TUFM: variants seen among roughly 807,000 people sequenced by gnomAD.
TUFM encodes the protein elongation factor Tu, mitochondrial.
A neutral mutation model predicts 45.0 loss-of-function variants in TUFM; 23 were observed. The observed-to-expected ratio is 0.51, with a 90% CI of 0.37 to 0.72. The LOEUF (loss-of-function observed/expected upper bound fraction) is 0.72, where lower values mean the gene tolerates loss of function less well. TUFM is among the 30% of genes least tolerant of loss of function. The pLI, the probability that TUFM is intolerant of heterozygous loss-of-function variation, is 0.00. For missense variants in TUFM, 490 were observed against 610.7 expected (o/e 0.80, Z 2.08); for synonymous variants, 243 against 252.9 (o/e 0.96, Z 0.37).
In TUFM at chr16:28,845,988, G is replaced by A; in HGVS notation, c.171C>T (p.Asp57=). ...AVEAKKTYVR[D]KPHVNVGTIG... ...TGGTACCCACATTCACATGTGGCTT[G>A]TCGCGCACGTAAGTCTTCTTGGCCT... is the stretch of plus-strand genomic sequence containing the variant. The change falls in exon 2 of 10, where the codon GAC becomes GAT. Residue 57 remains aspartate, a synonymous_variant. Coordinates refer to ENST00000313511, the MANE Select transcript of TUFM (RefSeq NM_003321.5). 6.2e-7 allele frequency: 1 copy of A among 1,613,934 alleles called. No individual in the cohort carries two copies. Among genetic ancestry groups the A allele is most frequent in the Non-Finnish European group, 8.5e-7 (1 of 1,180,040 alleles).
At chr16:28,846,175 C>G (rs758338592) in intron 1 of TUFM, 43 bp downstream of exon 1, 10 of 1,596,256 alleles carry the variant, frequency 6.3e-6, no homozygotes, top group South Asian at 1.1e-5. Flanking sequence ...TACCACTCCC[C>G]CAAAGTGTTC....
In TUFM at chr16:28,844,180, G is replaced by A. The variant is rs1291649317; in HGVS notation, c.922+50C>T. ...GGGAAGGCACAAGGGATCTGCCGGG[G>A]TAAGGCCACCCTTCAGCCAGGCCCT... On this transcript the variant is annotated intron_variant, in intron 7 of 9. Coordinates refer to ENST00000313511, the MANE Select transcript of TUFM (RefSeq NM_003321.5). This position sits in a 1 kb window ranked among gnomAD's most constrained non-coding sequence, Gnocchi z 5.8. 4 of 1,613,318 alleles carry A rather than the reference G, an allele frequency of 2.5e-6. No individual in the cohort carries two copies. The highest frequency in any genetic ancestry group is 1.3e-5 in the African/African-American group (1 of 74,902).
At position 28,842,944 on chromosome 16, in the gene TUFM, CG is replaced by C; in HGVS notation, c.*30del. 1 of 1,613,310 alleles carries C rather than the reference CG, an allele frequency of 6.2e-7. No individual in the cohort carries two copies. ...AGCCCTGGCTAGGGCAGGCCTTAAA[CG>C]CAAGGGAAGCTGAGCAGAGATCTGC... On this transcript the variant is annotated 3_prime_UTR_variant, in exon 10 of 10. Coordinates refer to ENST00000313511, the MANE Select transcript of TUFM (RefSeq NM_003321.5).
Position 28,845,326 on chromosome 16 carries a change from T to C in TUFM, c.402A>G (p.Ala134=). ...CAGCAACCCTCACCTTAACATAATC[T>C]GCATGACCCGGGCAGTCTGTGTGGG... ...HYAHTDCPGH[A]DYVKNMITGT... Residue 134 remains alanine, a synonymous_variant, in exon 3 of 10, where the codon GCA becomes GCG. Coordinates refer to ENST00000313511, the MANE Select transcript of TUFM (RefSeq NM_003321.5). 1.2e-6 allele frequency: 2 copies of C among 1,614,128 alleles called. No homozygotes were observed. The highest frequency in any genetic ancestry group is 1.7e-6 in the Non-Finnish European group (2 of 1,180,038).
chr16:28,844,857 C>A lies in TUFM; in HGVS notation c.525G>T (p.Gly175=), dbSNP rs1170703038. 2.5e-6 allele frequency: 4 copies of A among 1,614,050 alleles called. No homozygotes were observed. Among genetic ancestry groups the A allele is most frequent in the Non-Finnish European group, 3.4e-6 (4 of 1,180,044 alleles). The change falls in exon 5 of 10, where the codon GGG becomes GGT. Residue 175 remains glycine (G), a synonymous_variant. Coordinates refer to ENST00000313511, the MANE Select transcript of TUFM (RefSeq NM_003321.5). This position sits in a 1 kb window ranked among gnomAD's most constrained non-coding sequence, Gnocchi z 5.8. ...TCACATACACCACCACATGCTCCAC[C>A]CCAATCTGTAGATGCCAGAGAGACA... ...REHLLLARQI[G]VEHVVVYVNK...
rs767938338 is a variant in TUFM at position 28,844,775 on chromosome 16, G to A, written c.607C>T (p.Arg203Trp). ...TAGCCAAACTCGGTGAGCAGCTCCC[G>A]GATCTCCAGTTCCACCAGTTCCACC... ...EMVELVELEI[R>W]ELLTEFGYKG... is the part of the protein sequence containing the mutation. The change falls in exon 5 of 10, where the codon CGG becomes TGG. Residue 203 changes from arginine (R) to tryptophan (W), a missense_variant. Physicochemically the swap from Arg to Trp is moderately radical, Grantham distance 101. Coordinates refer to ENST00000313511, the MANE Select transcript of TUFM (RefSeq NM_003321.5). This position sits in a 1 kb window ranked among gnomAD's most constrained non-coding sequence, Gnocchi z 5.8. 4 of 1,614,024 alleles carry A rather than the reference G, an allele frequency of 2.5e-6. No individual in the cohort carries two copies. The highest frequency in any genetic ancestry group is 1.3e-5 in the African/African-American group (1 of 74,898).
chr16:28,844,391 A>G lies in TUFM; in HGVS notation c.817+28T>C. The G allele has an allele frequency of 6.2e-7, 1 of 1,614,166 alleles. No individual in the cohort carries two copies. The highest frequency in any genetic ancestry group is 8.5e-7 in the Non-Finnish European group (1 of 1,180,014). ...CCCGAGCTAGGCTTCTGCTAGAGAG[A>G]GTGCGTGGGAACAGACAGAGTCCTC... On this transcript the variant is annotated intron_variant, in intron 6 of 9. Transcript: ENST00000313511. The surrounding 1 kb of genome is among the most constrained non-coding windows in gnomAD (Gnocchi z 5.8).
chr16:28,843,884 C>T, intron 8 of TUFM, 29 bp from the exon 9 acceptor site: 2 of 1,614,106 alleles, frequency 1.2e-6, no homozygotes, highest in Non-Finnish European at 1.7e-6. Context: ...TGACGGTGAG[C>T]TGGGCTTGGC....
rs568012742 is a variant in TUFM, at chr16:28,843,941, A to C, written c.1074+9T>G. On this transcript the variant is annotated intron_variant, in intron 8 of 9. Transcript: ENST00000313511. ...CTCAACCCTGCCCACCGTCACCTGG[A>C]GCCCTCACCTGGGCCTCCACCTTCT... The C allele has an allele frequency of 3.2e-5, 51 of 1,614,066 alleles. 1 individual carries two copies. In the Admixed American group the frequency reaches 4.2e-4, roughly 13 times the overall value.
At position 28,845,450 on chromosome 16, in the gene TUFM, T is replaced by C. The variant is rs779616852; in HGVS notation, c.278A>G (p.Lys93Arg). ...GGCATTGTCAATCTCCTCGTACTTC[T>C]TGAACTTAGCCCCACCTCCCTCAGC... ...ILAEGGGAKF[K>R]KYEEIDNAPE... is the part of the protein sequence containing the mutation. The change falls in exon 3 of 10, where the codon AAG becomes AGG. Residue 93 changes from lysine to arginine, a missense_variant. Physicochemically the swap from Lys to Arg is conservative, Grantham distance 26. Transcript: ENST00000313511. 4 of 1,614,168 alleles carry C rather than the reference T, an allele frequency of 2.5e-6. No homozygotes were observed. The highest frequency in any genetic ancestry group is 4.5e-5 in the East Asian group (2 of 44,882).
Position 28,844,691 on chromosome 16 carries a change from C to A in TUFM, c.684+7G>T, listed in dbSNP as rs761510515. 1.2e-6 allele frequency: 2 copies of A among 1,614,216 alleles called. No individual in the cohort carries two copies. The highest frequency in any genetic ancestry group is 1.1e-5 in the South Asian group (1 of 91,086). ...GCAGCAGCTGCCCTGCCTGACCCCGCGTTCACCTCAAGGGCACAGAGAGCA... is the reference window on the plus strand; with the variant it reads ...GCAGCAGCTGCCCTGCCTGACCCCGAGTTCACCTCAAGGGCACAGAGAGCA... On this transcript the variant is annotated splice_region_variant and intron_variant, in intron 5 of 9. Coordinates refer to ENST00000313511, the MANE Select transcript of TUFM (RefSeq NM_003321.5). This position sits in a 1 kb window ranked among gnomAD's most constrained non-coding sequence, Gnocchi z 5.8.
At chr16:28,845,163 C>T (rs1961907067) in intron 3 of TUFM, 108 bp from the exon 4 acceptor site, 2 of 1,552,922 alleles carry the variant, frequency 1.3e-6, no homozygotes, top group Non-Finnish European at 1.8e-6. Flanking sequence ...TCTCTACCAT[C>T]TCCTCACCAC....
At chr16:28,845,262 C>T in intron 3 of TUFM, 52 bp downstream of exon 3, 4 of 1,613,156 alleles carry the variant, frequency 2.5e-6, no homozygotes, top group Non-Finnish European at 3.4e-6. Context: ...TAACATTTAT[C>T]CTGACAAGAG....
rs2044944047 is a variant in TUFM, at chr16:28,844,212, CAG to C, written c.922+16_922+17del. The C allele has an allele frequency of 1.9e-6, 3 of 1,613,786 alleles. No individual in the cohort carries two copies. In the South Asian group the frequency reaches 3.3e-5, roughly 18 times the overall value. ...CACCCTTCAGCCAGGCCCTGCTCTC[CAG>C]ACTGGCTTCCCAAACCTGTCACCAC... On this transcript the variant is annotated intron_variant, in intron 7 of 9. Transcript: ENST00000313511. The surrounding 1 kb of genome is among the most constrained non-coding windows in gnomAD (Gnocchi z 5.8).
At position 28,845,423 on chromosome 16, in the gene TUFM, G is replaced by C; in HGVS notation, c.305C>G (p.Pro102Arg). The change falls in exon 3 of 10, where the codon CCG becomes CGG. Residue 102 changes from proline to arginine, a missense_variant. Transcript: ENST00000313511. ...GGTGATACCCCGAGCTCGCTCCTCCGGGGCATTGTCAATCTCCTCGTACTT... is the reference window on the plus strand; with the variant it reads ...GGTGATACCCCGAGCTCGCTCCTCCCGGGCATTGTCAATCTCCTCGTACTT... ...FKKYEEIDNA[P>R]EERARGITIN... 6.2e-7 allele frequency: 1 copy of C among 1,613,996 alleles called. No individual in the cohort carries two copies. Among genetic ancestry groups the C allele is most frequent in the Non-Finnish European group, 8.5e-7 (1 of 1,179,996 alleles).
Position 28,843,866 on chromosome 16 carries a change from G to C in TUFM, c.1075-11C>G. 2 of 1,614,164 alleles carry C rather than the reference G, an allele frequency of 1.2e-6. No homozygotes were observed. Among genetic ancestry groups the C allele is most frequent in the Non-Finnish European group, 1.7e-6 (2 of 1,180,034 alleles). ...GCTGAGGATGTAAACCTGGAGGAGA[G>C]CAAGCAATGACGGTGAGCTGGGCTT... On this transcript the variant is annotated splice_polypyrimidine_tract_variant and intron_variant, in intron 8 of 9. Transcript: ENST00000313511.
Position 28,844,661 on chromosome 16 carries a change from C to T in TUFM, c.684+37G>A. ...GCTCTGGGTGCCCATCCAGCCCCACCCTCTGCAGCAGCTGCCCTGCCTGAC... is the reference window on the plus strand; with the variant it reads ...GCTCTGGGTGCCCATCCAGCCCCACTCTCTGCAGCAGCTGCCCTGCCTGAC... On this transcript the variant is annotated intron_variant, in intron 5 of 9. Coordinates refer to ENST00000313511, the MANE Select transcript of TUFM (RefSeq NM_003321.5). The surrounding 1 kb of genome is among the most constrained non-coding windows in gnomAD (Gnocchi z 5.8). The T allele has an allele frequency of 6.2e-7, 1 of 1,614,132 alleles. No homozygotes were observed. Among genetic ancestry groups the T allele is most frequent in the Non-Finnish European group, 8.5e-7 (1 of 1,180,034 alleles).
Position 28,842,869 on chromosome 16 carries a change from C to T in TUFM, c.*106G>A, listed in dbSNP as rs1961836391. ...CAGGGGAAATGTCCATCTAGCTGCCCTCTGCTGGGTTGCAGCCTATGCCAT... is the reference window on the plus strand; with the variant it reads ...CAGGGGAAATGTCCATCTAGCTGCCTTCTGCTGGGTTGCAGCCTATGCCAT... On this transcript the variant is annotated 3_prime_UTR_variant, in exon 10 of 10. Transcript: ENST00000313511. 2 of 1,452,936 alleles carry T rather than the reference C, an allele frequency of 1.4e-6. No homozygotes were observed. The highest frequency in any genetic ancestry group is 1.4e-5 in the African/African-American group (1 of 71,642). 90.0% of individuals were successfully genotyped at this position (1,452,936 alleles called of 1,614,324 possible). A position where few individuals can be genotyped will look rare whatever the true frequency, so the allele number is the denominator to read the frequency against.
chr16:28,844,890 T>C lies in TUFM; in HGVS notation c.520-28A>G, dbSNP rs780264928. 6.2e-7 allele frequency: 1 copy of C among 1,614,004 alleles called. No homozygotes were observed. The highest frequency in any genetic ancestry group is 1.1e-5 in the South Asian group (1 of 91,076). Reference sequence around the variant, plus strand: ...GTAGATGCCAGAGAGACAGGGACAATATACAGAGGGGCCCAACTCCCCACT... The same window carrying C: ...GTAGATGCCAGAGAGACAGGGACAACATACAGAGGGGCCCAACTCCCCACT... On this transcript the variant is annotated intron_variant, in intron 4 of 9. Coordinates refer to ENST00000313511, the MANE Select transcript of TUFM (RefSeq NM_003321.5). This position sits in a 1 kb window ranked among gnomAD's most constrained non-coding sequence, Gnocchi z 5.8.
Sources: allele counts gnomAD v4.1 joint callset, GRCh38; gene constraint gnomAD v4.1.1; non-coding constraint Gnocchi (gnomAD v3.1); transcripts MANE v1.5; gene names NCBI Gene and HGNC (gene_info 2026-07-23, HGNC 2026-07-21).